RPTOR: variants seen among roughly 807,000 people sequenced by gnomAD.
RPTOR encodes regulatory-associated protein of mTOR.
RPTOR carries 21 observed loss-of-function variants against 169.9 expected under a neutral mutation model. That is an observed-to-expected ratio of 0.12 (90% CI 0.09 to 0.18). RPTOR has a LOEUF of 0.18. RPTOR is among the 10% of genes least tolerant of loss of function. The probability of loss-of-function intolerance (pLI) is 1.00; values close to 1 mark genes in which losing one functional copy is unlikely to be tolerated. For missense variants in RPTOR, 1,133 were observed against 1,855.9 expected, an observed-to-expected ratio of 0.61 and a Z score of 7.16; for synonymous variants, 732 against 753.2, an observed-to-expected ratio of 0.97 and a Z score of 0.46.
At chr17:80,750,532 C>T (rs1234431963) in intron 5 of RPTOR, among the ~76,000 whole-genome samples, 1 of 152,192 alleles carries the variant, frequency 6.6e-6, no homozygotes, top group Non-Finnish European at 1.5e-5. Context: ...TCCTCATAGC[C>T]TTCCCGTGCC....
chr17:80,770,889 TAGAC>T (rs1380791643), intron 6 of RPTOR, among the ~76,000 whole-genome samples: 1 of 152,254 alleles, frequency 6.6e-6, no homozygotes, highest in Non-Finnish European at 1.5e-5. Context: ...ATCTTCCCCT[TAGAC>T]AGAGTGTCTG....
chr17:80,665,337 C>CT (rs1567845881), intron 3 of RPTOR, among the ~76,000 whole-genome samples: 15 of 6,404 alleles, frequency 2.3e-3, no homozygotes, highest in African/African-American at 0.013. Flanking sequence ...TTTTCCCTTT[C>CT]CTTTCCTTTC....
chr17:80,964,331 C>A lies in RPTOR; in HGVS notation c.*1C>A. On this transcript the variant is annotated 3_prime_UTR_variant, in exon 34 of 34. Transcript: ENST00000306801. ...CTCGGTGGAGAAGCGTGTCAGATAG[C>A]GGCGTGACCCGGGCCCACCAGGCCA... 1 of 1,606,088 alleles carries A rather than the reference C, an allele frequency of 6.2e-7. No homozygotes were observed. The highest frequency in any genetic ancestry group is 1.1e-5 in the South Asian group (1 of 91,084).
intron 21 of RPTOR, 37 bp from the exon 22 acceptor site, chr17:80,922,687 C>A: frequency 6.6e-7 from 1 of 1,508,262 alleles, no homozygotes; most frequent in Non-Finnish European, 9.0e-7. Context: ...GGAGCACGTC[C>A]CGTCTGACCT....
intron 20 of RPTOR, among the ~76,000 whole-genome samples, chr17:80,898,666 C>A (rs1294991298): frequency 1.6e-5 from 2 of 126,108 alleles, no homozygotes; most frequent in African/African-American, 3.0e-5. Flanking sequence ...GCTCCCCCCC[C>A]GCTCCCCCCA....
At position 80,842,022 on chromosome 17, in the gene RPTOR, C is replaced by T. The variant is rs1255341660; in HGVS notation, c.1212+4025C>T. The stretch of plus-strand genomic sequence containing the variant: ...CCCACCGCAGCTCACTCTCACCACA[C>T]GGCAGCTCACTCTCACCACACGGCA... On this transcript the variant is annotated intron_variant, in intron 10 of 33. Transcript: ENST00000306801. Among the ~76,000 whole-genome samples, 25 of 151,850 alleles carry T rather than the reference C, an allele frequency of 1.6e-4. 1 individual carries two copies. The highest frequency in any genetic ancestry group is 7.3e-5 in the African/African-American group (3 of 41,344).
intron 7 of RPTOR, among the ~76,000 whole-genome samples, chr17:80,799,277 A>C (rs2067131888): frequency 6.6e-6 from 1 of 152,248 alleles, no homozygotes; most frequent in African/African-American, 2.4e-5. Context: ...TAAGGACTGT[A>C]GACCGGGGGC....
At chr17:80,700,588 A>G (rs867859180) in intron 3 of RPTOR, among the ~76,000 whole-genome samples, 155 of 8,624 alleles carry the variant, frequency 0.018, no homozygotes, top group East Asian at 0.037. Context: ...TGATGATGGA[A>G]GTGGTGGTGA....
intron 10 of RPTOR, 83 bp from the exon 11 acceptor site, chr17:80,846,390 T>A: frequency 7.3e-7 from 1 of 1,371,966 alleles, no homozygotes; most frequent in South Asian, 1.2e-5. Flanking sequence ...AAGGCTTGGA[T>A]GCCCGGCAGG....
At chr17:80,851,969 G>C (rs1385655285) in intron 11 of RPTOR, among the ~76,000 whole-genome samples, 1 of 152,224 alleles carries the variant, frequency 6.6e-6, no homozygotes, top group Non-Finnish European at 1.5e-5. Flanking sequence ...TGATGTCTTT[G>C]ATTTCTGACG....
At chr17:80,592,584 T>G (rs1292704313) in intron 1 of RPTOR, among the ~76,000 whole-genome samples, 1 of 152,202 alleles carries the variant, frequency 6.6e-6, no homozygotes, top group Non-Finnish European at 1.5e-5. Flanking sequence ...TGTGGCCCAG[T>G]GGATCTCAGT....
intron 3 of RPTOR, among the ~76,000 whole-genome samples, chr17:80,683,041 A>G (rs908868568): frequency 6.6e-6 from 1 of 152,190 alleles, no homozygotes; most frequent in Admixed American, 6.5e-5. Context: ...GAACCAAGCC[A>G]TCCTCCTGCC....
chr17:80,924,906 T>G (rs2068792578), intron 23 of RPTOR, among the ~76,000 whole-genome samples: 1 of 152,202 alleles, frequency 6.6e-6, no homozygotes, highest in Non-Finnish European at 1.5e-5. Flanking sequence ...CTCCAGTAGC[T>G]GGGAGCTCCA....
Position 80,776,961 on chromosome 17 carries a change from G to A in RPTOR, c.831-14489G>A, listed in dbSNP as rs755647798. Among the ~76,000 whole-genome samples, 15 of 152,096 alleles carry A rather than the reference G, an allele frequency of 9.9e-5. No homozygotes were observed. In the South Asian group the frequency reaches 1.2e-3, roughly 13 times the overall value. ...TGATCAGGAAGTGAAGGGGGAGGCC[G>A]GGCGTGGTGGCTCACGCCTGTAATC... is the stretch of plus-strand genomic sequence containing the variant. On this transcript the variant is annotated intron_variant, in intron 6 of 33. Coordinates refer to ENST00000306801, the MANE Select transcript of RPTOR (RefSeq NM_020761.3).
intron 6 of RPTOR, among the ~76,000 whole-genome samples, chr17:80,787,265 A>G (rs1427920989): frequency 6.6e-6 from 1 of 152,210 alleles, no homozygotes; most frequent in Non-Finnish European, 1.5e-5. Flanking sequence ...TGGAATGTGG[A>G]CATTTCCCAC....
intron 2 of RPTOR, among the ~76,000 whole-genome samples, chr17:80,636,773 G>C (rs559365229): frequency 2.6e-5 from 4 of 152,040 alleles, no homozygotes; most frequent in Non-Finnish European, 5.9e-5. Flanking sequence ...TCCCCAACAC[G>C]CCCCAGTGCT....
At chr17:80,814,272 G>T (rs139604119) in intron 7 of RPTOR, among the ~76,000 whole-genome samples, 2 of 152,240 alleles carry the variant, frequency 1.3e-5, no homozygotes, top group Middle Eastern at 3.4e-3. Context: ...TATGTTTTCC[G>T]TGTAGATTAT....
chr17:80,688,208 A>C (rs1435449013), intron 3 of RPTOR, among the ~76,000 whole-genome samples: 2 of 152,194 alleles, frequency 1.3e-5, no homozygotes, highest in Admixed American at 6.5e-5. Flanking sequence ...TTGATGTATT[A>C]GCTCATTTAA....
At chr17:80,699,955 G>A (rs1043454854) in intron 3 of RPTOR, among the ~76,000 whole-genome samples, 3 of 152,106 alleles carry the variant, frequency 2.0e-5, no homozygotes, top group African/African-American at 7.2e-5. Flanking sequence ...TCCAGTGTCT[G>A]GAAGAGCATC....
Sources: allele counts gnomAD v4.1 joint callset (sites outside exome capture counted in the v4.1 genomes callset), GRCh38; gene constraint gnomAD v4.1.1; transcripts MANE v1.5; gene names NCBI Gene and HGNC (gene_info 2026-07-23, HGNC 2026-07-21).